Variants in CMC1 observed in about 807,000 individuals in gnomAD.
CMC1 encodes the protein COX assembly mitochondrial protein homolog.
A neutral mutation model predicts 14.1 loss-of-function variants in CMC1; 14 were observed. That is an observed-to-expected ratio of 0.99 (90% CI 0.66 to 1.55). The LOEUF (loss-of-function observed/expected upper bound fraction) is 1.55, where lower values mean the gene tolerates loss of function less well. Ranked by LOEUF, CMC1 falls within the 40% of genes most tolerant of loss-of-function variation. The probability of loss-of-function intolerance (pLI) is 0.00; values close to 1 mark genes in which losing one functional copy is unlikely to be tolerated. For missense variants in CMC1, 127 were observed against 123.8 expected, an observed-to-expected ratio of 1.03 and a Z score of -0.12; for synonymous variants, 50 against 38.4, an observed-to-expected ratio of 1.30 and a Z score of -1.12.
At position 28,319,721 on chromosome 3, in the gene CMC1, T is replaced by C; in HGVS notation, c.*92T>C. The C allele has an allele frequency of 9.9e-7, 1 of 1,010,956 alleles. No individual in the cohort carries two copies. Among genetic ancestry groups the C allele is most frequent in the Non-Finnish European group, 1.4e-6 (1 of 712,906 alleles). The allele number at this position is 1,010,956 out of a possible 1,614,324, so 62.6% of individuals were successfully genotyped here. On this transcript the variant is annotated 3_prime_UTR_variant, in exon 4 of 4. Coordinates refer to ENST00000466830, the MANE Select transcript of CMC1 (RefSeq NM_182523.2). The stretch of plus-strand genomic sequence containing the variant: ...TGGACTCAAGCATATATGTTTGCTT[T>C]ACCTTAATTATGGAAATATTAACTT...
At chr3:28,276,581 G>A (rs982608543) in intron 2 of CMC1, among the ~76,000 whole-genome samples, 14 of 152,024 alleles carry the variant, frequency 9.2e-5, no homozygotes, top group African/African-American at 3.1e-4. Flanking sequence ...AATTAAATAT[G>A]GCCTTTAAGC....
At chr3:28,308,380 T>C (rs1702444227) in intron 2 of CMC1, among the ~76,000 whole-genome samples, 1 of 152,190 alleles carries the variant, frequency 6.6e-6, no homozygotes, top group South Asian at 2.1e-4. Context: ...TATTTCACTA[T>C]TGCATCCTTC....
intron 2 of CMC1, among the ~76,000 whole-genome samples, chr3:28,296,728 A>G (rs768434451): frequency 6.6e-6 from 1 of 152,104 alleles, no homozygotes. Context: ...ATGAACTGCT[A>G]TGATTATGAC....
intron 1 of CMC1, among the ~76,000 whole-genome samples, chr3:28,256,630 GGGAGA>G (rs1699425825): frequency 6.6e-6 from 1 of 152,116 alleles, no homozygotes. Context: ...ATAATATAAA[GGGAGA>G]GGAAGGTCCC....
At position 28,296,223 on chromosome 3, in the gene CMC1, C is replaced by T. The variant is rs539070939; in HGVS notation, c.110-20110C>T. Among the ~76,000 whole-genome samples the T allele has an allele frequency of 2.0e-5, 3 of 152,042 alleles. No homozygotes were observed. The East Asian group carries it at 5.8e-4, about 29-fold the overall frequency. ...ATGAAAAAATGTAATGCTGAGACTC[C>T]TTAAATGGTTTGTTGATCACCATTG... is the stretch of plus-strand genomic sequence containing the variant. On this transcript the variant is annotated intron_variant, in intron 2 of 3. Transcript: ENST00000466830.
At position 28,252,997 on chromosome 3, in the gene CMC1, T is replaced by C. The variant is rs1278485698; in HGVS notation, c.20-10294T>C. Among the ~76,000 whole-genome samples the C allele has an allele frequency of 3.4e-5, 5 of 147,434 alleles. No individual in the cohort carries two copies. In the East Asian group the frequency reaches 9.9e-4, roughly 29 times the overall value. ...TGTTTTTGTTTTGTCAGTTCTAGTA[T>C]GGCTTGAAGGAAAGAAGGTGAATTT... is the stretch of plus-strand genomic sequence containing the variant. On this transcript the variant is annotated intron_variant, in intron 1 of 3. Coordinates refer to ENST00000466830, the MANE Select transcript of CMC1 (RefSeq NM_182523.2).
rs1273400862 is a variant in CMC1 at position 28,321,684 on chromosome 3, C to T, written c.*2055C>T. ...AATTAAGATCAGTACTTTGTTGTCACATGATTCAGCTCTTCAAGTCTGAAT... is the reference window on the plus strand; with the variant it reads ...AATTAAGATCAGTACTTTGTTGTCATATGATTCAGCTCTTCAAGTCTGAAT... On this transcript the variant is annotated 3_prime_UTR_variant, in exon 4 of 4. Coordinates refer to ENST00000466830, the MANE Select transcript of CMC1 (RefSeq NM_182523.2). The T allele has an allele frequency of 2.0e-5, 3 of 151,360 alleles. No homozygotes were observed. The highest frequency in any genetic ancestry group is 4.4e-5 in the Non-Finnish European group (3 of 67,532). 9.4% of individuals were successfully genotyped at this position (151,360 alleles called of 1,614,324 possible).
chr3:28,262,849 C>T (rs371893329), intron 1 of CMC1, among the ~76,000 whole-genome samples: 227 of 152,222 alleles, frequency 1.5e-3, no homozygotes, highest in South Asian at 6.0e-3. Flanking sequence ...ACCTTTTCTT[C>T]TGTTAGTTCT....
At chr3:28,296,827 G>A (rs199815533) in intron 2 of CMC1, among the ~76,000 whole-genome samples, 1 of 151,950 alleles carries the variant, frequency 6.6e-6, no homozygotes, top group East Asian at 1.9e-4. Context: ...TTGTTTAATA[G>A]AGTAATAGGG....
Position 28,269,607 on chromosome 3 carries a change from C to T in CMC1, c.109+6227C>T, listed in dbSNP as rs553329860. 3.3e-5 allele frequency among the ~76,000 whole-genome samples: 5 copies of T among 151,878 alleles called. No individual in the cohort carries two copies. In the East Asian group the frequency reaches 5.8e-4, roughly 18 times the overall value. On this transcript the variant is annotated intron_variant, in intron 2 of 3. Coordinates refer to ENST00000466830, the MANE Select transcript of CMC1 (RefSeq NM_182523.2). ...TTGAAACCGAGTCTCTCTCTGTTGC[C>T]TAAGCTGGAGGGTAGTGGCGCAATC...
intron 1 of CMC1, among the ~76,000 whole-genome samples, chr3:28,260,248 G>T (rs1238814426): frequency 6.6e-6 from 1 of 151,918 alleles, no homozygotes; most frequent in Non-Finnish European, 1.5e-5. Context: ...TTGCATCTGT[G>T]TTCATGAGGC....
chr3:28,314,233 C>T (rs945637791), intron 2 of CMC1, among the ~76,000 whole-genome samples: 2 of 152,072 alleles, frequency 1.3e-5, no homozygotes, highest in African/African-American at 2.4e-5. Context: ...GAAAAATTAA[C>T]GTATAGGAAT....
At chr3:28,286,406 C>G (rs1362289001) in intron 2 of CMC1, among the ~76,000 whole-genome samples, 1 of 151,986 alleles carries the variant, frequency 6.6e-6, no homozygotes, top group Non-Finnish European at 1.5e-5. Context: ...ACTTTTTTCC[C>G]TGTAAGTTTT....
chr3:28,278,677 G>A (rs1163236902), intron 2 of CMC1, among the ~76,000 whole-genome samples: 1 of 152,194 alleles, frequency 6.6e-6, no homozygotes, highest in African/African-American at 2.4e-5. Flanking sequence ...CATGGTGTTA[G>A]ATACAGTGGG....
chr3:28,241,855 G>A (rs1381146955), intron 1 of CMC1, 43 bp downstream of exon 1: 2 of 1,235,132 alleles, frequency 1.6e-6, no homozygotes, highest in Non-Finnish European at 2.0e-6. Context: ...GCCTCGCCCC[G>A]GGTCTCACGC....
At chr3:28,302,932 A>G (rs1158368267) in intron 2 of CMC1, among the ~76,000 whole-genome samples, 2 of 152,148 alleles carry the variant, frequency 1.3e-5, no homozygotes, top group African/African-American at 4.8e-5. Context: ...TGTGTTCTGG[A>G]AAGGAATAAG....
In CMC1 at chr3:28,284,910, C is replaced by G. The variant is rs1701095282; in HGVS notation, c.109+21530C>G. 2.6e-5 allele frequency among the ~76,000 whole-genome samples: 4 copies of G among 152,248 alleles called. 1 individual carries two copies. In the South Asian group the frequency reaches 8.3e-4, roughly 32 times the overall value. ...TGCTCTGGCAGCCGTAAACCTTGAC[C>G]TCTTTTGTATCCTGTCAATTATATG... On this transcript the variant is annotated intron_variant, in intron 2 of 3. Coordinates refer to ENST00000466830, the MANE Select transcript of CMC1 (RefSeq NM_182523.2).
At chr3:28,252,518 C>A (rs113169177) in intron 1 of CMC1, among the ~76,000 whole-genome samples, 1 of 152,048 alleles carries the variant, frequency 6.6e-6, no homozygotes, top group African/African-American at 2.4e-5. Context: ...ATTTTTTTCC[C>A]GTGGTAGGAA....
intron 2 of CMC1, among the ~76,000 whole-genome samples, chr3:28,275,341 C>CTTT: frequency 9.9e-6 from 1 of 101,064 alleles, no homozygotes; most frequent in Non-Finnish European, 2.0e-5. Context: ...TTTTTTTTTT[C>CTTT]TTTTTTTTTT....
Sources: allele counts gnomAD v4.1 joint callset (sites outside exome capture counted in the v4.1 genomes callset), GRCh38; gene constraint gnomAD v4.1.1; transcripts MANE v1.5; gene names NCBI Gene and HGNC (gene_info 2026-07-23, HGNC 2026-07-21).